EYA2: variants seen among roughly 807,000 people sequenced by gnomAD.
EYA2 encodes EYA transcriptional coactivator and phosphatase 2.
Under a neutral mutation model 69.2 loss-of-function variants are expected in EYA2, and 31 were observed. The ratio of observed to expected loss-of-function variants is 0.45; its 90% CI spans 0.34 to 0.60. The LOEUF (loss-of-function observed/expected upper bound fraction) is 0.60, where lower values mean the gene tolerates loss of function less well. Among genes scored for constraint, EYA2 ranks in the 20% least tolerant of loss-of-function variants. EYA2 has a pLI of 0.02. For missense variants in EYA2, 622 were observed against 701.2 expected (o/e 0.89, Z 1.28); for synonymous variants, 257 against 279.4 (o/e 0.92, Z 0.80).
At chr20:47,042,077 G>A (rs1273764139) in intron 5 of EYA2, among the ~76,000 whole-genome samples, 1 of 152,174 alleles carries the variant, frequency 6.6e-6, no homozygotes, top group Non-Finnish European at 1.5e-5. Flanking sequence ...AAAGAGATTA[G>A]CGAGTGTGAA....
intron 12 of EYA2, among the ~76,000 whole-genome samples, chr20:47,177,361 C>T (rs558228198): frequency 3.0e-4 from 46 of 152,246 alleles, no homozygotes; most frequent in Non-Finnish European, 4.6e-4. Context: ...ATCCTCCCAC[C>T]TCAGCCTCCC....
At chr20:46,911,872 G>A (rs533303445) in intron 1 of EYA2, among the ~76,000 whole-genome samples, 1 of 149,794 alleles carries the variant, frequency 6.7e-6, no homozygotes, top group South Asian at 2.1e-4. Context: ...GTGTTCAAAA[G>A]CACAGTAGGG....
At chr20:47,105,868 C>CA (rs541074452) in intron 9 of EYA2, among the ~76,000 whole-genome samples, 3 of 151,946 alleles carry the variant, frequency 2.0e-5, no homozygotes, top group Non-Finnish European at 4.4e-5. Context: ...AAATTGATGC[C>CA]AAAAAATCGA....
At chr20:47,018,922 C>G (rs1225123556) in intron 5 of EYA2, among the ~76,000 whole-genome samples, 5 of 152,162 alleles carry the variant, frequency 3.3e-5, no homozygotes, top group African/African-American at 1.2e-4. Context: ...TTCAGGACTC[C>G]AGGAACTGTC....
chr20:46,943,056 G>A (rs559652975), intron 1 of EYA2, among the ~76,000 whole-genome samples: 1 of 152,322 alleles, frequency 6.6e-6, no homozygotes, highest in South Asian at 2.1e-4. Context: ...GTGAGCCTGC[G>A]CTCCCGGCTG....
rs909019390 is a variant in EYA2, at chr20:47,159,831, A to C, written c.979-9308A>C. Among the ~76,000 whole-genome samples the C allele has an allele frequency of 1.2e-4, 18 of 152,116 alleles. 1 individual carries two copies. Among genetic ancestry groups the C allele is most frequent in the East Asian group, 1.2e-3 (6 of 5,078 alleles). ...ATGGTGAAACCCTGTCTCTACTAAA[A>C]ATACAAAAATTAGCCAGGCATGGTG... On this transcript the variant is annotated intron_variant, in intron 10 of 15. Coordinates refer to ENST00000327619, the MANE Select transcript of EYA2 (RefSeq NM_005244.5).
intron 1 of EYA2, among the ~76,000 whole-genome samples, chr20:46,961,416 T>C (rs1979472714): frequency 6.6e-6 from 1 of 152,210 alleles, no homozygotes; most frequent in Non-Finnish European, 1.5e-5. Flanking sequence ...TCTTACACCC[T>C]GTTGGTGGGA....
chr20:46,970,171 C>T (rs1168987018), intron 1 of EYA2, among the ~76,000 whole-genome samples: 1 of 152,222 alleles, frequency 6.6e-6, no homozygotes, highest in Non-Finnish European at 1.5e-5. Context: ...CATAGTTAAG[C>T]GCGACTGAAG....
intron 1 of EYA2, among the ~76,000 whole-genome samples, chr20:46,988,742 CAG>C (rs1445081596): frequency 2.0e-5 from 3 of 152,190 alleles, no homozygotes; most frequent in Non-Finnish European, 4.4e-5. Context: ...CACTCTGTCA[CAG>C]AGGCTGGAAG....
At chr20:46,957,916 CCAAA>C (rs1452645416) in intron 1 of EYA2, among the ~76,000 whole-genome samples, 1 of 152,096 alleles carries the variant, frequency 6.6e-6, no homozygotes, top group African/African-American at 2.4e-5. Context: ...GCAATTTGTC[CCAAA>C]CTACATTCCC....
intron 4 of EYA2, among the ~76,000 whole-genome samples, chr20:47,006,852 T>C (rs1025200823): frequency 6.6e-6 from 1 of 152,214 alleles, no homozygotes; most frequent in African/African-American, 2.4e-5. Flanking sequence ...CAGCCCACGT[T>C]ACTCCCTTGA....
intron 10 of EYA2, among the ~76,000 whole-genome samples, chr20:47,148,141 G>A (rs912238743): frequency 3.9e-5 from 6 of 151,926 alleles, no homozygotes; most frequent in East Asian, 3.9e-4. Context: ...TATTCTGCAC[G>A]CATGTCCCAA....
chr20:47,054,724 G>A (rs1161123191), intron 5 of EYA2, among the ~76,000 whole-genome samples: 1 of 152,102 alleles, frequency 6.6e-6, no homozygotes, highest in Non-Finnish European at 1.5e-5. Context: ...GTGACTCCGG[G>A]ACTCACTTGG....
intron 5 of EYA2, among the ~76,000 whole-genome samples, chr20:47,068,926 G>A (rs1453710395): frequency 2.0e-5 from 3 of 152,170 alleles, no homozygotes; most frequent in Admixed American, 2.0e-4. Flanking sequence ...GTTTAGAGAT[G>A]TGCCTGCAGT....
At chr20:47,101,173 ACTC>A (rs1227302630) in intron 9 of EYA2, among the ~76,000 whole-genome samples, 1 of 151,940 alleles carries the variant, frequency 6.6e-6, no homozygotes, top group Non-Finnish European at 1.5e-5. Context: ...GTAACCTCAA[ACTC>A]CTCACTCAAG....
At chr20:46,993,238 A>C (rs1433954143) in intron 2 of EYA2, among the ~76,000 whole-genome samples, 3 of 152,214 alleles carry the variant, frequency 2.0e-5, no homozygotes, top group Non-Finnish European at 2.9e-5. Flanking sequence ...GAGTGGACTT[A>C]GTGTGCTTAA....
At chr20:47,124,981 AT>A (rs1417458546) in intron 9 of EYA2, among the ~76,000 whole-genome samples, 1 of 149,392 alleles carries the variant, frequency 6.7e-6, no homozygotes, top group Non-Finnish European at 1.5e-5. Flanking sequence ...TGATTTCATC[AT>A]TTGTCATGAG....
intron 9 of EYA2, among the ~76,000 whole-genome samples, chr20:47,122,930 A>G (rs889985882): frequency 8.5e-5 from 13 of 152,282 alleles, no homozygotes; most frequent in Admixed American, 2.6e-4. Context: ...CCCTGGTCTC[A>G]AGAGCCAGAC....
chr20:47,138,074 G>A (rs1027812111), intron 9 of EYA2, among the ~76,000 whole-genome samples: 1 of 151,568 alleles, frequency 6.6e-6, no homozygotes, highest in African/African-American at 2.4e-5. Context: ...CACCAGCATG[G>A]CACATGTATA....
Sources: allele counts gnomAD v4.1 joint callset (sites outside exome capture counted in the v4.1 genomes callset), GRCh38; gene constraint gnomAD v4.1.1; transcripts MANE v1.5; gene names NCBI Gene and HGNC (gene_info 2026-07-23, HGNC 2026-07-21).